The following UMAD1 variants were observed in gnomAD, a reference collection of about 807,000 sequenced individuals.
UMAD1 encodes UBAP1-MVB12-associated (UMA) domain containing 1, also known as UBAP1-MVB12-associated (UMA)-domain containing protein 1.
UMAD1 carries 8 observed loss-of-function variants against 6.1 expected under a neutral mutation model. The observed-to-expected ratio is 1.30, with a 90% confidence interval of 0.76 to 2.35. The LOEUF (loss-of-function observed/expected upper bound fraction) is 2.35. UMAD1 is among the 30% of genes most tolerant of loss of function. The probability of loss-of-function intolerance (pLI) is 0.00; values close to 1 mark genes in which losing one functional copy is unlikely to be tolerated. For synonymous variants in UMAD1, 56 were observed against 31.4 expected (o/e 1.78, Z -2.61); for missense variants, 130 against 78.4 (o/e 1.66, Z -2.49).
At chr7:7,789,626 C>A (rs1002617994) in intron 2 of UMAD1, among the ~76,000 whole-genome samples, 1 of 151,338 alleles carries the variant, frequency 6.6e-6, no homozygotes, top group South Asian at 2.1e-4. Context: ...TTCTCCCCTC[C>A]CCACAGACCC....
In UMAD1 at chr7:7,821,354, G is replaced by C. The variant is rs148277862; in HGVS notation, c.156+19611G>C. Among the ~76,000 whole-genome samples the C allele has an allele frequency of 3.1e-3, 467 of 152,242 alleles. 6 individuals are homozygous for C. The highest frequency in any genetic ancestry group is 0.026 in the Admixed American group (402 of 15,280). On this transcript the variant is annotated intron_variant, in intron 3 of 3. Transcript: ENST00000682710. ...TAAAATATCTGAATATTTTATATTA[G>C]TTACATGTTGCCATGATAATGTTTT...
At chr7:7,795,586 G>C (rs1289223305) in intron 2 of UMAD1, among the ~76,000 whole-genome samples, 3 of 152,198 alleles carry the variant, frequency 2.0e-5, no homozygotes, top group Non-Finnish European at 2.9e-5. Flanking sequence ...AGGGCTGCTG[G>C]TTGGCTATTT....
chr7:7,755,238 A>G (rs1309521949), intron 2 of UMAD1, among the ~76,000 whole-genome samples: 1 of 152,200 alleles, frequency 6.6e-6, no homozygotes, highest in Non-Finnish European at 1.5e-5. Flanking sequence ...ACAAAATTTA[A>G]GGTCTTGTTT....
At chr7:7,757,286 T>C (rs1453788968) in intron 2 of UMAD1, among the ~76,000 whole-genome samples, 1 of 152,206 alleles carries the variant, frequency 6.6e-6, no homozygotes, top group Non-Finnish European at 1.5e-5. Flanking sequence ...TGTGAGAAAA[T>C]AAAATTATTC....
At chr7:7,806,367 AC>A (rs1046812695) in intron 3 of UMAD1, among the ~76,000 whole-genome samples, 24 of 152,128 alleles carry the variant, frequency 1.6e-4, no homozygotes, top group African/African-American at 5.1e-4. Context: ...CCAGCCAGAG[AC>A]AACCCCAATG....
chr7:7,730,192 A>T (rs1781219912), intron 2 of UMAD1, among the ~76,000 whole-genome samples: 1 of 151,940 alleles, frequency 6.6e-6, no homozygotes. Context: ...TTTTCTCATC[A>T]CTTTTGTCTT....
intron 1 of UMAD1, among the ~76,000 whole-genome samples, chr7:7,647,848 TC>T (rs1785132506): frequency 6.6e-6 from 1 of 152,188 alleles, no homozygotes; most frequent in Non-Finnish European, 1.5e-5. Context: ...CAAGCAAGCC[TC>T]CCTCCTTGGC....
At chr7:7,642,184 G>T (rs931128389) in intron 1 of UMAD1, among the ~76,000 whole-genome samples, 1 of 152,132 alleles carries the variant, frequency 6.6e-6, no homozygotes, top group African/African-American at 2.4e-5. Flanking sequence ...ACCCAGACTG[G>T]AGTGCAGTAG....
At chr7:7,821,244 A>G (rs553685231) in intron 3 of UMAD1, among the ~76,000 whole-genome samples, 35 of 152,248 alleles carry the variant, frequency 2.3e-4, no homozygotes, top group African/African-American at 7.5e-4. Flanking sequence ...GCTTGTGGCT[A>G]TTGAGCACTT....
intron 3 of UMAD1, among the ~76,000 whole-genome samples, chr7:7,803,646 G>A (rs1037886017): frequency 2.0e-5 from 3 of 151,778 alleles, no homozygotes; most frequent in African/African-American, 7.3e-5. Flanking sequence ...TTTAGTTCTG[G>A]AGGCTGGAAA....
intron 3 of UMAD1, among the ~76,000 whole-genome samples, chr7:7,874,257 C>G (rs888265875): frequency 6.6e-6 from 1 of 152,236 alleles, no homozygotes; most frequent in Non-Finnish European, 1.5e-5. Context: ...GCTATCCCTG[C>G]TCTAATCGAC....
intron 3 of UMAD1, among the ~76,000 whole-genome samples, chr7:7,828,904 A>G (rs1783404102): frequency 6.6e-6 from 1 of 152,184 alleles, no homozygotes; most frequent in Admixed American, 6.5e-5. Context: ...TCTATTTTGT[A>G]TGTGGTTAGG....
chr7:7,688,099 G>C (rs1780081841), intron 2 of UMAD1, among the ~76,000 whole-genome samples: 1 of 152,184 alleles, frequency 6.6e-6, no homozygotes, highest in Non-Finnish European at 1.5e-5. Context: ...CAGTGGTCTG[G>C]AAACTTCTGA....
At chr7:7,740,064 T>C (rs1036084134) in intron 2 of UMAD1, among the ~76,000 whole-genome samples, 7 of 152,232 alleles carry the variant, frequency 4.6e-5, no homozygotes, top group African/African-American at 1.4e-4. Context: ...TTGTTAAAAG[T>C]TCTTGAAACC....
At chr7:7,734,042 A>G (rs1781303492) in intron 2 of UMAD1, among the ~76,000 whole-genome samples, 1 of 152,162 alleles carries the variant, frequency 6.6e-6, no homozygotes, top group Admixed American at 6.5e-5. Context: ...CAAGGTATGT[A>G]TAAGGTTATT....
chr7:7,769,219 G>A (rs942284617), intron 2 of UMAD1, among the ~76,000 whole-genome samples: 3 of 152,166 alleles, frequency 2.0e-5, no homozygotes, highest in Non-Finnish European at 2.9e-5. Context: ...TGTAGAGATA[G>A]GAGCTCTCAG....
At chr7:7,826,000 A>G (rs1458749426) in intron 3 of UMAD1, among the ~76,000 whole-genome samples, 1 of 152,170 alleles carries the variant, frequency 6.6e-6, no homozygotes, top group Non-Finnish European at 1.5e-5. Flanking sequence ...TGTAAACGCT[A>G]TATAAATAGT....
At chr7:7,724,054 C>A (rs2115185938) in intron 2 of UMAD1, among the ~76,000 whole-genome samples, 1 of 152,270 alleles carries the variant, frequency 6.6e-6, no homozygotes, top group African/African-American at 2.4e-5. Flanking sequence ...GAAGGGGAGG[C>A]CGGGTCCCCT....
chr7:7,749,190 A>G (rs1342185974), intron 2 of UMAD1, among the ~76,000 whole-genome samples: 1 of 152,178 alleles, frequency 6.6e-6, no homozygotes, highest in Non-Finnish European at 1.5e-5. Context: ...CTTCTTTTTA[A>G]TGTTAAAATA....
Sources: allele counts gnomAD v4.1 joint callset (sites outside exome capture counted in the v4.1 genomes callset), GRCh38; gene constraint gnomAD v4.1.1; transcripts MANE v1.5; gene names NCBI Gene and HGNC (gene_info 2026-07-23, HGNC 2026-07-21).